The following SPATA13 variants were observed in gnomAD, a reference collection of about 807,000 sequenced individuals.
The protein encoded by SPATA13 is spermatogenesis-associated protein 13.
A neutral mutation model predicts 104.0 loss-of-function variants in SPATA13; 50 were observed. The ratio of observed to expected loss-of-function variants is 0.48; its 90% CI spans 0.38 to 0.61. SPATA13 has a LOEUF of 0.61. SPATA13 is among the 20% of genes least tolerant of loss of function. The pLI is 0.00. For synonymous variants in SPATA13, 606 were observed against 667.5 expected, an observed-to-expected ratio of 0.91 and a Z score of 1.42; for missense variants, 1,524 against 1,690.6, an observed-to-expected ratio of 0.90 and a Z score of 1.73.
intron 2 of SPATA13, among the ~76,000 whole-genome samples, chr13:23,994,656 G>A (rs1174258260): frequency 2.0e-5 from 3 of 152,196 alleles, no homozygotes; most frequent in Non-Finnish European, 4.4e-5. Flanking sequence ...ATTGAGTAAT[G>A]AAGGTGAGAA....
Position 24,223,960 on chromosome 13 carries a change from C to A in SPATA13, c.1031C>A (p.Pro344His). ...RESPRSGAPS[P>H]GEASLRLQAH... Reference sequence around the variant, plus strand: ...AGTCCTAGGAGTGGGGCCCCATCCCCTGGAGAGGCCAGCCTGAGACTTCAG... The same window carrying A: ...AGTCCTAGGAGTGGGGCCCCATCCCATGGAGAGGCCAGCCTGAGACTTCAG... Residue 344 changes from proline to histidine, a missense_variant, in exon 2 of 13, where the codon CCT (proline) becomes CAT (histidine). Physicochemically the swap from Pro to His is moderately conservative, Grantham distance 77. This residue lies in a region of SPATA13 where 1,089 missense variants were observed against 1,135.9 expected (regional missense o/e 0.96). Transcript: ENST00000382108. 6.5e-7 allele frequency: 1 copy of A among 1,549,726 alleles called. No individual in the cohort carries two copies. The highest frequency in any genetic ancestry group is 8.7e-7 in the Non-Finnish European group (1 of 1,145,820).
At chr13:24,301,876 CACTTT>C (rs1305269535) in intron 12 of SPATA13, among the ~76,000 whole-genome samples, 1 of 152,236 alleles carries the variant, frequency 6.6e-6, no homozygotes, top group Admixed American at 6.5e-5. Flanking sequence ...CAGTTCTAAG[CACTTT>C]ACTTCTATTA....
intron 3 of SPATA13, among the ~76,000 whole-genome samples, chr13:24,021,336 A>G (rs375468247): frequency 1.3e-5 from 2 of 152,166 alleles, no homozygotes. Context: ...GATTAAGAGA[A>G]TATCAGGCAT....
intron 3 of SPATA13, among the ~76,000 whole-genome samples, chr13:24,115,331 C>T (rs1653209865): frequency 6.6e-6 from 1 of 152,190 alleles, no homozygotes; most frequent in South Asian, 2.1e-4. Flanking sequence ...ACAGGGTCCC[C>T]AGCCCACAGA....
At chr13:24,194,576 G>C (rs528652925) in intron 1 of SPATA13, among the ~76,000 whole-genome samples, 1 of 152,304 alleles carries the variant, frequency 6.6e-6, no homozygotes, top group East Asian at 1.9e-4. Flanking sequence ...TGAGGATTTG[G>C]TAGTCAGTGA....
chr13:24,151,381 C>G (rs993630428), intron 3 of SPATA13, among the ~76,000 whole-genome samples: 3 of 152,182 alleles, frequency 2.0e-5, no homozygotes, highest in Non-Finnish European at 2.9e-5. Context: ...TAATGATAAA[C>G]TCTCCCTGGT....
intron 3 of SPATA13, among the ~76,000 whole-genome samples, chr13:24,119,807 G>C (rs979340619): frequency 6.6e-6 from 1 of 152,142 alleles, no homozygotes; most frequent in Non-Finnish European, 1.5e-5. Flanking sequence ...CCCAAGACCC[G>C]GCCAGCCCCC....
chr13:24,171,513 A>G (rs752327482), intron 1 of SPATA13, among the ~76,000 whole-genome samples: 1 of 152,228 alleles, frequency 6.6e-6, no homozygotes, highest in African/African-American at 2.4e-5. Context: ...GAGTGCCACA[A>G]GGATGGGTGA....
intron 2 of SPATA13, among the ~76,000 whole-genome samples, chr13:24,227,671 A>G (rs988831482): frequency 2.0e-5 from 3 of 151,990 alleles, no homozygotes; most frequent in African/African-American, 7.3e-5. Flanking sequence ...CACAAGTTTA[A>G]GCAGTTCTCA....
chr13:24,114,343 A>T (rs1328168570), intron 3 of SPATA13, among the ~76,000 whole-genome samples: 4 of 152,256 alleles, frequency 2.6e-5, no homozygotes, highest in Non-Finnish European at 5.9e-5. Context: ...TATAGAAGCT[A>T]ATTCAGTGTG....
At chr13:24,209,075 C>G (rs79099781) in intron 1 of SPATA13, among the ~76,000 whole-genome samples, 35,372 of 152,072 alleles carry the variant, frequency 0.23, 4,499 homozygotes, top group South Asian at 0.3. Context: ...TTGATGAGCT[C>G]TCAGCACTGA....
intron 1 of SPATA13, among the ~76,000 whole-genome samples, chr13:24,172,078 C>T (rs1261879790): frequency 3.3e-5 from 5 of 152,140 alleles, no homozygotes. Flanking sequence ...ACCACAGGAT[C>T]CCTCCTGCTT....
chr13:24,037,303 G>A (rs1322635339), intron 3 of SPATA13, among the ~76,000 whole-genome samples: 1 of 151,314 alleles, frequency 6.6e-6, no homozygotes, highest in South Asian at 2.1e-4. Context: ...GTATACATAT[G>A]TAACAAACCT....
At chr13:24,256,359 G>C (rs972939492) in intron 4 of SPATA13, among the ~76,000 whole-genome samples, 1 of 152,084 alleles carries the variant, frequency 6.6e-6, no homozygotes, top group African/African-American at 2.4e-5. Flanking sequence ...ACAAATAAAT[G>C]ATAAGTGCTT....
chr13:24,284,409 G>A, intron 5 of SPATA13, 138 bp downstream of exon 5: 1 of 1,004,784 alleles, frequency 1.0e-6, no homozygotes, highest in Non-Finnish European at 1.4e-6. Flanking sequence ...ACAACACTGT[G>A]ATTCACTTTG....
At chr13:24,189,160 G>T (rs1000777741) in intron 1 of SPATA13, among the ~76,000 whole-genome samples, 2 of 152,068 alleles carry the variant, frequency 1.3e-5, no homozygotes, top group Admixed American at 1.3e-4. Flanking sequence ...TTTTGACTCT[G>T]ATGTCTTATC....
chr13:24,137,779 A>G (rs929837842), intron 3 of SPATA13, among the ~76,000 whole-genome samples: 23 of 152,128 alleles, frequency 1.5e-4, no homozygotes, highest in African/African-American at 5.6e-4. Flanking sequence ...AAAAAACCCA[A>G]AAGTAACATT....
intron 4 of SPATA13, chr13:24,271,033 TCTCTCTCA>T: frequency 1.4e-6 from 1 of 691,270 alleles, no homozygotes; most frequent in South Asian, 1.6e-5. Flanking sequence ...TCTCTCTCTC[TCTCTCTCA>T]CTCTCTCTCT....
chr13:24,063,556 C>T (rs1022111019), intron 3 of SPATA13, among the ~76,000 whole-genome samples: 37 of 152,162 alleles, frequency 2.4e-4, no homozygotes, highest in African/African-American at 8.4e-4. Context: ...AACCAAACTC[C>T]CCCACATCAT....
Sources: gnomAD v4.1 joint callset for allele counts (sites outside exome capture counted in the v4.1 genomes callset) on GRCh38, gnomAD v4.1.1 for gene constraint, gnomAD v4.1.1 regional missense constraint, MANE v1.5 for transcripts, NCBI Gene and HGNC (gene_info 2026-07-23, HGNC 2026-07-21) for gene names.